MFSD8: variants seen among roughly 807,000 people sequenced by gnomAD.
The protein encoded by MFSD8 is major facilitator superfamily domain containing 8.
In MFSD8, 55 loss-of-function variants were observed where a neutral mutation model predicts 66.4. The ratio of observed to expected loss-of-function variants is 0.83; its 90% confidence interval spans 0.67 to 1.04. The LOEUF is 1.04. Among genes scored for constraint, MFSD8 ranks in the 50% least tolerant of loss-of-function variants. The pLI is 0.00. For missense variants in MFSD8, 550 were observed against 627.6 expected (o/e 0.88, Z 1.32); for synonymous variants, 202 against 212.8 (o/e 0.95, Z 0.44).
chr4:127,921,487 AT>A, intron 11 of MFSD8, 36 bp downstream of exon 11: 1 of 1,613,500 alleles, frequency 6.2e-7, no homozygotes, highest in South Asian at 1.1e-5. Flanking sequence ...TTACAAGTAT[AT>A]TTTCTATAAT....
chr4:127,934,891 A>G (rs1168283927), intron 7 of MFSD8, among the ~76,000 whole-genome samples: 1 of 111,770 alleles, frequency 8.9e-6, no homozygotes, highest in Non-Finnish European at 1.6e-5. Flanking sequence ...TATTACAAAA[A>G]TATGTTTATT....
chr4:127,926,368 G>A (rs976739522), intron 9 of MFSD8, among the ~76,000 whole-genome samples: 1 of 146,280 alleles, frequency 6.8e-6, no homozygotes. Context: ...CAGCTTAAAT[G>A]TAACTTCCTC....
chr4:127,963,670 G>A (rs1227955520), intron 1 of MFSD8, among the ~76,000 whole-genome samples: 5 of 152,172 alleles, frequency 3.3e-5, no homozygotes, highest in Non-Finnish European at 5.9e-5. Flanking sequence ...AGACCTTCGC[G>A]GTGAGTGTTA....
At chr4:127,930,203 G>T (rs1439098802) in intron 9 of MFSD8, among the ~76,000 whole-genome samples, 1 of 152,086 alleles carries the variant, frequency 6.6e-6, no homozygotes, top group African/African-American at 2.4e-5. Flanking sequence ...TTGCACCACT[G>T]CATTCCAGTA....
chr4:127,948,156 TGGGTATGAACA>T (rs1391203984), intron 3 of MFSD8, among the ~76,000 whole-genome samples: 1 of 152,056 alleles, frequency 6.6e-6, no homozygotes, highest in African/African-American at 2.4e-5. Context: ...GGTAGCTAGT[TGGGTATGAACA>T]GGGCAGGAGA....
chr4:127,952,317 T>G (rs1385859079), intron 2 of MFSD8, among the ~76,000 whole-genome samples: 1 of 151,840 alleles, frequency 6.6e-6, no homozygotes, highest in Non-Finnish European at 1.5e-5. Flanking sequence ...GGCAGGAGAA[T>G]GGCGAGAACC....
At chr4:127,940,811 G>A (rs1413106555) in intron 5 of MFSD8, among the ~76,000 whole-genome samples, 1 of 151,830 alleles carries the variant, frequency 6.6e-6, no homozygotes, top group East Asian at 1.9e-4. Context: ...TCAATATGTG[G>A]CTCTATAGTA....
rs1274113940 is a variant in MFSD8, at chr4:127,917,875, A to G, written c.*2755T>C. The G allele has an allele frequency of 6.6e-6, 1 of 152,244 alleles. No individual in the cohort carries two copies. The highest frequency in any genetic ancestry group is 1.5e-5 in the Non-Finnish European group (1 of 68,042). 9.4% of individuals were successfully genotyped at this position (152,244 alleles called of 1,614,324 possible). ...ATGTAAAGTAGAAATTAAATTACAA[A>G]TAAGTCTTCAATGGTCAAAAATGGT... On this transcript the variant is annotated 3_prime_UTR_variant, in exon 12 of 12. Coordinates refer to ENST00000641686, the MANE Select transcript of MFSD8 (RefSeq NM_001371596.2).
At position 127,920,500 on chromosome 4, in the gene MFSD8, G is replaced by A. The variant is rs996976943; in HGVS notation, c.*130C>T. The A allele has an allele frequency of 2.2e-5, 19 of 861,914 alleles. No individual in the cohort carries two copies. The Admixed American group carries it at 3.3e-4, about 15-fold the overall frequency. The allele number at this position is 861,914 out of a possible 1,614,324, so 53.4% of individuals were successfully genotyped here. A position where few individuals can be genotyped will look rare whatever the true frequency, so the allele number is the denominator to read the frequency against. On this transcript the variant is annotated 3_prime_UTR_variant, in exon 12 of 12. Transcript: ENST00000641686. Reference sequence around the variant, plus strand: ...GAATTCTCTCTGTTATTCAACATATGTTCTTGTTCTTCAAAATCTGCAATA... The same window carrying A: ...GAATTCTCTCTGTTATTCAACATATATTCTTGTTCTTCAAAATCTGCAATA...
At chr4:127,927,080 GA>G (rs1433294253) in intron 9 of MFSD8, among the ~76,000 whole-genome samples, 2 of 152,108 alleles carry the variant, frequency 1.3e-5, no homozygotes. Context: ...TGTGTTAGAT[GA>G]TTTAGCCAAA....
At position 127,958,011 on chromosome 4, in the gene MFSD8, A is replaced by G. The variant is rs75990419; in HGVS notation, c.63-419T>C. Among the ~76,000 whole-genome samples the G allele has an allele frequency of 5.1e-3, 783 of 152,330 alleles. 8 individuals are homozygous for G. Among genetic ancestry groups the G allele is most frequent in the African/African-American group, 0.018 (755 of 41,562 alleles). On this transcript the variant is annotated intron_variant, in intron 1 of 11. Transcript: ENST00000641686. ...AACTGTCATCATTATAACATGCTCT[A>G]CTTGATGACAGCAAATTAAATTGCT...
At chr4:127,944,515 T>G (rs531334515) in intron 3 of MFSD8, among the ~76,000 whole-genome samples, 1 of 152,204 alleles carries the variant, frequency 6.6e-6, no homozygotes, top group Non-Finnish European at 1.5e-5. Flanking sequence ...CCGTTCTATA[T>G]AGACCACTCA....
chr4:127,921,360 A>G, intron 11 of MFSD8, 164 bp downstream of exon 11: 1 of 1,179,348 alleles, frequency 8.5e-7, no homozygotes, highest in Non-Finnish European at 1.2e-6. Flanking sequence ...AACCTACCCA[A>G]GAATGAACTT....
chr4:127,962,693 G>A (rs1233842150), intron 1 of MFSD8, among the ~76,000 whole-genome samples: 1 of 151,670 alleles, frequency 6.6e-6, no homozygotes, highest in Non-Finnish European at 1.5e-5. Context: ...AAGTATAGCA[G>A]TGTAAAATAA....
At chr4:127,955,004 C>T (rs1438145736) in intron 2 of MFSD8, among the ~76,000 whole-genome samples, 1 of 152,138 alleles carries the variant, frequency 6.6e-6, no homozygotes, top group African/African-American at 2.4e-5. Context: ...AAAATTGGAA[C>T]CCTGACTGTT....
intron 3 of MFSD8, among the ~76,000 whole-genome samples, chr4:127,946,033 A>C (rs1374510255): frequency 6.6e-6 from 1 of 151,426 alleles, no homozygotes; most frequent in African/African-American, 2.4e-5. Flanking sequence ...AAATCCTCCC[A>C]ACTCAGGCTC....
intron 3 of MFSD8, among the ~76,000 whole-genome samples, chr4:127,946,964 C>A (rs1021188063): frequency 9.3e-5 from 14 of 151,324 alleles, no homozygotes; most frequent in Admixed American, 7.9e-4. Flanking sequence ...ACAATCTAGA[C>A]AATCTAGTAG....
At chr4:127,948,203 AG>A (rs1741392306) in intron 3 of MFSD8, among the ~76,000 whole-genome samples, 1 of 152,018 alleles carries the variant, frequency 6.6e-6, no homozygotes, top group African/African-American at 2.4e-5. Flanking sequence ...TCACATGGGG[AG>A]TGTGGAGAGA....
At chr4:127,948,325 C>A (rs1368788341) in intron 3 of MFSD8, among the ~76,000 whole-genome samples, 2 of 152,068 alleles carry the variant, frequency 1.3e-5, no homozygotes, top group African/African-American at 4.8e-5. Context: ...TGGTAATTAG[C>A]AGCTTCCTGA....
Sources: allele counts gnomAD v4.1 joint callset (sites outside exome capture counted in the v4.1 genomes callset), GRCh38; gene constraint gnomAD v4.1.1; transcripts MANE v1.5; gene names NCBI Gene and HGNC (gene_info 2026-07-23, HGNC 2026-07-21).